The following ZBTB7C variants were observed in gnomAD, a reference collection of about 807,000 sequenced individuals.
ZBTB7C encodes zinc finger and BTB domain-containing protein 7C.
ZBTB7C carries 8 observed loss-of-function variants against 25.7 expected under a neutral mutation model. The observed-to-expected ratio is 0.31, with a 90% CI of 0.18 to 0.56. The LOEUF (loss-of-function observed/expected upper bound fraction) is 0.56. ZBTB7C is among the 20% of genes least tolerant of loss of function. The pLI, the probability that ZBTB7C is intolerant of heterozygous loss-of-function variation, is 0.91. For missense variants in ZBTB7C, 824 were observed against 855.2 expected (o/e 0.96, Z 0.46); for synonymous variants, 394 against 369.0 (o/e 1.07, Z -0.78).
At chr18:48,058,300 C>T (rs974760848) in intron 3 of ZBTB7C, among the ~76,000 whole-genome samples, 4 of 152,218 alleles carry the variant, frequency 2.6e-5, no homozygotes, top group Non-Finnish European at 4.4e-5. Context: ...CCCACTTGGA[C>T]GCTGTCATTT....
chr18:48,047,650 C>T (rs557229289), intron 3 of ZBTB7C, among the ~76,000 whole-genome samples: 16 of 152,290 alleles, frequency 1.1e-4, no homozygotes, highest in African/African-American at 3.4e-4. Context: ...AAAAATGGCA[C>T]TTCCCTCTCT....
At chr18:48,128,993 A>AT (rs1367824443) in intron 3 of ZBTB7C, among the ~76,000 whole-genome samples, 2 of 152,036 alleles carry the variant, frequency 1.3e-5, no homozygotes, top group Non-Finnish European at 2.9e-5. Flanking sequence ...AAAGAACTGG[A>AT]TTTTCCTAAT....
chr18:48,250,902 T>C (rs2043835214), intron 2 of ZBTB7C, among the ~76,000 whole-genome samples: 1 of 152,104 alleles, frequency 6.6e-6, no homozygotes. Context: ...GTGATTTGCT[T>C]GAACTTAAAC....
At chr18:48,396,844 T>C (rs1386405330) in intron 1 of ZBTB7C, among the ~76,000 whole-genome samples, 1 of 152,232 alleles carries the variant, frequency 6.6e-6, no homozygotes, top group Non-Finnish European at 1.5e-5. Flanking sequence ...GCAAGTCACA[T>C]GGCTCTCATA....
intron 2 of ZBTB7C, among the ~76,000 whole-genome samples, chr18:48,195,457 T>C (rs1356050305): frequency 6.6e-6 from 1 of 152,218 alleles, no homozygotes; most frequent in Non-Finnish European, 1.5e-5. Context: ...TTCTCTTGCC[T>C]GCCGCCATGT....
At chr18:48,116,544 C>G (rs1000243322) in intron 3 of ZBTB7C, among the ~76,000 whole-genome samples, 3 of 152,214 alleles carry the variant, frequency 2.0e-5, no homozygotes, top group African/African-American at 7.2e-5. Context: ...TCTCTAGTCT[C>G]TAAGCCAATC....
chr18:48,388,197 T>C (rs564350612), intron 1 of ZBTB7C, among the ~76,000 whole-genome samples: 1 of 152,268 alleles, frequency 6.6e-6, no homozygotes, highest in East Asian at 1.9e-4. Context: ...CAGAACTCAC[T>C]TGAGCCACAA....
chr18:48,330,082 G>C (rs35890790), intron 2 of ZBTB7C, among the ~76,000 whole-genome samples: 140 of 152,336 alleles, frequency 9.2e-4, no homozygotes, highest in Non-Finnish European at 1.8e-3. Flanking sequence ...CTCTGTGCCA[G>C]GCACTGAGTA....
chr18:48,104,568 T>C (rs898696747), intron 3 of ZBTB7C, among the ~76,000 whole-genome samples: 3 of 152,244 alleles, frequency 2.0e-5, no homozygotes, highest in Admixed American at 1.3e-4. Context: ...TGTATGTACA[T>C]ATGTATGTAT....
intron 3 of ZBTB7C, among the ~76,000 whole-genome samples, chr18:48,132,502 T>C (rs528555519): frequency 6.6e-6 from 1 of 152,352 alleles, no homozygotes; most frequent in African/African-American, 2.4e-5. Context: ...TGATAATGGT[T>C]ACACAGCCCT....
At chr18:48,185,390 C>T (rs2042030768) in intron 3 of ZBTB7C, 2 of 404,402 alleles carry the variant, frequency 4.9e-6, no homozygotes, top group African/African-American at 2.1e-5. Context: ...GAAAGCTCCT[C>T]CAAAACAGAG....
intron 3 of ZBTB7C, among the ~76,000 whole-genome samples, chr18:48,145,311 C>T (rs1454678320): frequency 6.6e-6 from 1 of 152,198 alleles, no homozygotes; most frequent in Non-Finnish European, 1.5e-5. Flanking sequence ...CCTTTCTCCT[C>T]CTCTTACCAC....
chr18:48,411,649 A>G (rs142073438), upstream of ZBTB7C, among the ~76,000 whole-genome samples: 55 of 152,258 alleles, frequency 3.6e-4, 1 homozygote, highest in East Asian at 0.01. Flanking sequence ...ATGCCCAGAC[A>G]CCTGCAGGAA....
At chr18:48,140,589 C>T (rs1461316459) in intron 3 of ZBTB7C, among the ~76,000 whole-genome samples, 3 of 152,176 alleles carry the variant, frequency 2.0e-5, no homozygotes, top group Admixed American at 2.0e-4. Flanking sequence ...TGATGCATGC[C>T]TCAGTTTATC....
At chr18:48,194,821 TGAG>T (rs999544575) in intron 2 of ZBTB7C, among the ~76,000 whole-genome samples, 3 of 130,450 alleles carry the variant, frequency 2.3e-5, no homozygotes, top group Middle Eastern at 6.1e-3. Flanking sequence ...GGAGAACAGA[TGAG>T]GAGGAGTGGG....
intron 3 of ZBTB7C, among the ~76,000 whole-genome samples, chr18:48,071,285 T>C (rs1376023120): frequency 2.0e-5 from 3 of 152,180 alleles, no homozygotes; most frequent in African/African-American, 7.2e-5. Flanking sequence ...ATTTATAATT[T>C]TGAGTAAAGA....
At chr18:48,394,898 G>A (rs142374855) in intron 1 of ZBTB7C, among the ~76,000 whole-genome samples, 4 of 152,156 alleles carry the variant, frequency 2.6e-5, no homozygotes, top group Non-Finnish European at 5.9e-5. Flanking sequence ...ACGGCGACGC[G>A]TATGTGTATA....
intron 2 of ZBTB7C, among the ~76,000 whole-genome samples, chr18:48,186,298 G>A (rs757916750): frequency 4.6e-5 from 7 of 152,180 alleles, no homozygotes; most frequent in African/African-American, 9.6e-5. Context: ...TTCCCACTCC[G>A]GAGTGAGGCC....
At chr18:48,290,706 G>A (rs919124955) in intron 2 of ZBTB7C, among the ~76,000 whole-genome samples, 7 of 152,150 alleles carry the variant, frequency 4.6e-5, no homozygotes, top group Admixed American at 1.3e-4. Flanking sequence ...CCTCTTCCTG[G>A]CAAGGCCTCG....
Sources: gnomAD v4.1 joint callset for allele counts (sites outside exome capture counted in the v4.1 genomes callset) on GRCh38, gnomAD v4.1.1 for gene constraint, MANE v1.5 for transcripts, NCBI Gene and HGNC (gene_info 2026-07-23, HGNC 2026-07-21) for gene names.